Variants in CLMP observed in about 807,000 individuals in gnomAD.
CLMP encodes the protein CXADR-like membrane protein.
Under a neutral mutation model 45.2 loss-of-function variants are expected in CLMP, and 27 were observed. That is an observed-to-expected ratio of 0.60 (90% CI 0.44 to 0.82). CLMP has a LOEUF of 0.82. Among genes scored for constraint, CLMP ranks in the 40% least tolerant of loss-of-function variants. The pLI, the probability that CLMP is intolerant of heterozygous loss-of-function variation, is 0.00. For missense variants in CLMP, 403 were observed against 448.4 expected (o/e 0.90, Z 0.91); for synonymous variants, 167 against 171.4 (o/e 0.97, Z 0.20).
chr11:123,135,255 G>A (rs1209249688), intron 1 of CLMP, among the ~76,000 whole-genome samples: 11 of 82,526 alleles, frequency 1.3e-4, no homozygotes, highest in East Asian at 3.0e-4. Context: ...AAAAGACTCC[G>A]TCTCAAAAAA....
chr11:123,074,143 A>T (rs1264314075), intron 6 of CLMP, among the ~76,000 whole-genome samples: 1 of 151,314 alleles, frequency 6.6e-6, no homozygotes, highest in Non-Finnish European at 1.5e-5. Context: ...ATGTAAATTG[A>T]ACTGTTTTAT....
chr11:123,081,460 A>G (rs1405355329), intron 5 of CLMP, among the ~76,000 whole-genome samples: 2 of 152,204 alleles, frequency 1.3e-5, no homozygotes, highest in Admixed American at 6.5e-5. Context: ...GTCTGAAGTT[A>G]CTAAATTGAT....
At chr11:123,125,697 G>A (rs932329409) in intron 1 of CLMP, among the ~76,000 whole-genome samples, 7 of 150,746 alleles carry the variant, frequency 4.6e-5, no homozygotes, top group Admixed American at 1.3e-4. Flanking sequence ...TCTGCCTCCC[G>A]GGTTCAAGTG....
intron 1 of CLMP, among the ~76,000 whole-genome samples, chr11:123,134,761 T>C (rs1458880739): frequency 1.3e-5 from 2 of 151,752 alleles, no homozygotes; most frequent in Non-Finnish European, 2.9e-5. Context: ...TGAACTGAGA[T>C]TGTGCCACTG....
chr11:123,147,108 G>A (rs182144571), intron 1 of CLMP, among the ~76,000 whole-genome samples: 12 of 152,112 alleles, frequency 7.9e-5, no homozygotes, highest in Admixed American at 3.9e-4. Flanking sequence ...ATTTTCCAGT[G>A]TATTCACTAT....
intron 1 of CLMP, among the ~76,000 whole-genome samples, chr11:123,155,697 G>C (rs1861403542): frequency 6.6e-6 from 1 of 152,146 alleles, no homozygotes; most frequent in African/African-American, 2.4e-5. Context: ...GGTCCTCAGG[G>C]ACTCTTGCCT....
chr11:123,134,272 T>A, intron 1 of CLMP, among the ~76,000 whole-genome samples: 1 of 149,976 alleles, frequency 6.7e-6, no homozygotes, highest in African/African-American at 2.5e-5. Context: ...AAAAAAAAAG[T>A]ATGCTTTTCT....
chr11:123,120,774 T>C (rs1334355398), intron 1 of CLMP, among the ~76,000 whole-genome samples: 2 of 152,144 alleles, frequency 1.3e-5, no homozygotes, highest in East Asian at 3.8e-4. Flanking sequence ...TAGTCTTTGT[T>C]TCTATTCGCT....
chr11:123,143,003 G>A (rs1403251558), intron 1 of CLMP, among the ~76,000 whole-genome samples: 1 of 152,210 alleles, frequency 6.6e-6, no homozygotes, highest in Non-Finnish European at 1.5e-5. Context: ...AAAGTCTCAT[G>A]TCTCATCTCT....
intron 5 of CLMP, among the ~76,000 whole-genome samples, chr11:123,081,187 A>C (rs1306372969): frequency 1.3e-5 from 2 of 151,998 alleles, no homozygotes; most frequent in Admixed American, 1.3e-4. Context: ...CCAACAACAA[A>C]AAAAAACAGG....
chr11:123,083,817 T>G lies in CLMP; in HGVS notation c.419A>C (p.Glu140Ala), dbSNP rs1555078079. ...VRPSKPKCELEGELTEGSDLT... is the reference protein window; with the variant it reads ...VRPSKPKCELAGELTEGSDLT... The stretch of plus-strand genomic sequence containing the variant: ...GTCACTTCCTTCTGTCAGCTCTCCT[T>G]CCAACTCACACTTGGGCTTGGATGG... Residue 140 changes from glutamate to alanine, a missense_variant, in exon 4 of 7, where the codon GAA (glutamate) becomes GCA (alanine). Glu to Ala is a moderately radical substitution (Grantham distance 107). Transcript: ENST00000448775. The G allele has an allele frequency of 1.2e-6, 2 of 1,613,570 alleles. No individual in the cohort carries two copies. The highest frequency in any genetic ancestry group is 8.5e-7 in the Non-Finnish European group (1 of 1,180,014).
chr11:123,111,135 G>GGTCTAGTT (rs1860632511), intron 1 of CLMP, among the ~76,000 whole-genome samples: 1 of 151,978 alleles, frequency 6.6e-6, no homozygotes, highest in Admixed American at 6.6e-5. Flanking sequence ...TTATACAAAA[G>GGTCTAGTT]GTCTAGTTTT....
chr11:123,143,519 G>A (rs1163094813), intron 1 of CLMP, among the ~76,000 whole-genome samples: 1 of 149,080 alleles, frequency 6.7e-6, no homozygotes, highest in Non-Finnish European at 1.5e-5. Context: ...GCCTATGGGG[G>A]GCGGGGGGGG....
chr11:123,102,218 T>C (rs1017203176), intron 1 of CLMP, among the ~76,000 whole-genome samples: 1 of 151,034 alleles, frequency 6.6e-6, no homozygotes, highest in Non-Finnish European at 1.5e-5. Flanking sequence ...ACTTCCCTAG[T>C]TATTCCTGCA....
intron 1 of CLMP, among the ~76,000 whole-genome samples, chr11:123,163,682 A>G (rs1009141934): frequency 6.6e-6 from 1 of 152,220 alleles, no homozygotes; most frequent in Non-Finnish European, 1.5e-5. Flanking sequence ...GCAACTTACT[A>G]AGTGTAGGGA....
intron 1 of CLMP, among the ~76,000 whole-genome samples, chr11:123,138,501 T>G (rs1422921590): frequency 2.0e-5 from 3 of 152,170 alleles, no homozygotes; most frequent in Admixed American, 6.5e-5. Flanking sequence ...TAAAATTTTT[T>G]CCTGCTGGTT....
chr11:123,073,675 T>C lies in CLMP; in HGVS notation c.921A>G (p.Thr307=), dbSNP rs1362571319. The stretch of plus-strand genomic sequence containing the variant: ...GCTGGCTGCGTGAGGCACTATTTGC[T>C]GTGGAGCGAGTGGAGGAAGAACCAG... ...SRSGSSSTRS[T]ANSASRSQRT... Residue 307 remains threonine, a synonymous_variant, in exon 7 of 7, where the codon ACA becomes ACG. Coordinates refer to ENST00000448775, the MANE Select transcript of CLMP (RefSeq NM_024769.5). 2 of 1,614,094 alleles carry C rather than the reference T, an allele frequency of 1.2e-6. No homozygotes were observed. The highest frequency in any genetic ancestry group is 4.5e-5 in the East Asian group (2 of 44,898).
At chr11:123,103,869 G>T in intron 1 of CLMP, among the ~76,000 whole-genome samples, 2 of 141,408 alleles carry the variant, frequency 1.4e-5, no homozygotes, top group Admixed American at 7.4e-5. Context: ...TCACTCTGTT[G>T]CCCAGGCTAG....
chr11:123,123,257 TCC>T (rs1264038781), intron 1 of CLMP, among the ~76,000 whole-genome samples: 10 of 106,084 alleles, frequency 9.4e-5, no homozygotes, highest in South Asian at 5.6e-4. Context: ...TTTCTTTCTT[TCC>T]TTTTTTTTTT....
Sources: gnomAD v4.1 joint callset for allele counts (sites outside exome capture counted in the v4.1 genomes callset) on GRCh38, gnomAD v4.1.1 for gene constraint, MANE v1.5 for transcripts, NCBI Gene and HGNC (gene_info 2026-07-23, HGNC 2026-07-21) for gene names.